The following ELMO1 variants were observed in gnomAD, a reference collection of about 807,000 sequenced individuals.
The protein encoded by ELMO1 is engulfment and cell motility 1.
Under a neutral mutation model 98.9 loss-of-function variants are expected in ELMO1, and 26 were observed. The observed-to-expected ratio is 0.26, with a 90% CI of 0.19 to 0.36. ELMO1 has a LOEUF of 0.36. Among genes scored for constraint, ELMO1 ranks in the 10% least tolerant of loss-of-function variants. The probability of loss-of-function intolerance (pLI) is 1.00; values close to 1 mark genes in which losing one functional copy is unlikely to be tolerated. For missense variants in ELMO1, 627 were observed against 935.2 expected (o/e 0.67, Z 4.30); for synonymous variants, 346 against 346.0 (o/e 1.00, Z 0.00).
intron 16 of ELMO1, chr7:36,986,047 G>A (rs1791481288): frequency 1.0e-6 from 1 of 1,000,844 alleles, no homozygotes; most frequent in Non-Finnish European, 1.2e-6. Context: ...TGGTTCCTGA[G>A]TAAGCTTGTT....
chr7:37,222,761 C>T, intron 9 of ELMO1, 68 bp from the exon 10 acceptor site: 1 of 1,460,098 alleles, frequency 6.8e-7, no homozygotes, highest in Non-Finnish European at 9.4e-7. Flanking sequence ...CTGGGTCAAA[C>T]CATGAAAAGG....
At chr7:37,208,573 G>T (rs1037794436) in intron 13 of ELMO1, among the ~76,000 whole-genome samples, 2 of 152,190 alleles carry the variant, frequency 1.3e-5, no homozygotes, top group African/African-American at 4.8e-5. Flanking sequence ...AATTCTGCAC[G>T]AGACTGCTTA....
intron 7 of ELMO1, among the ~76,000 whole-genome samples, chr7:37,242,995 C>A (rs1794831343): frequency 6.6e-6 from 1 of 152,116 alleles, no homozygotes; most frequent in Non-Finnish European, 1.5e-5. Context: ...CTATCCAGTG[C>A]CTTCATATAG....
chr7:37,166,736 A>C (rs6949869), intron 13 of ELMO1, among the ~76,000 whole-genome samples: 107,578 of 151,860 alleles, frequency 0.71, 40,693 homozygotes, highest in Non-Finnish European at 0.83. Context: ...TTTACATTTG[A>C]TGAGGAGAGC....
At chr7:37,446,796 G>C (rs1299873875) in intron 1 of ELMO1, among the ~76,000 whole-genome samples, 2 of 152,092 alleles carry the variant, frequency 1.3e-5, no homozygotes, top group African/African-American at 4.8e-5. Flanking sequence ...AGTCCCAGCA[G>C]TCCAGGTCAT....
intron 1 of ELMO1, among the ~76,000 whole-genome samples, chr7:37,387,426 G>C (rs1802855229): frequency 6.6e-6 from 1 of 152,164 alleles, no homozygotes; most frequent in African/African-American, 2.4e-5. Flanking sequence ...TGTTCTTCTT[G>C]TGTGTGCTTC....
intron 18 of ELMO1, among the ~76,000 whole-genome samples, chr7:36,885,625 C>T (rs976330678): frequency 1.3e-5 from 2 of 152,184 alleles, no homozygotes; most frequent in South Asian, 2.1e-4. Context: ...ATATCCCAAA[C>T]ATTGATTTTT....
At chr7:37,445,668 A>C (rs1338926130) in intron 1 of ELMO1, among the ~76,000 whole-genome samples, 1 of 149,252 alleles carries the variant, frequency 6.7e-6, no homozygotes, top group Non-Finnish European at 1.5e-5. Context: ...GTAAATGTTC[A>C]AGACTTAGCT....
At chr7:36,866,989 G>A (rs1417256401) in intron 20 of ELMO1, among the ~76,000 whole-genome samples, 1 of 152,094 alleles carries the variant, frequency 6.6e-6, no homozygotes, top group Admixed American at 6.5e-5. Flanking sequence ...ATGAACACTA[G>A]TAACATTGCA....
At chr7:37,073,603 T>A (rs1797399198) in intron 15 of ELMO1, among the ~76,000 whole-genome samples, 2 of 152,026 alleles carry the variant, frequency 1.3e-5, no homozygotes, top group Non-Finnish European at 1.5e-5. Flanking sequence ...TGCATGTTTT[T>A]TTTTTTCCTT....
Position 37,124,488 on chromosome 7 carries a change from A to G in ELMO1, c.1191+8642T>C, listed in dbSNP as rs147098928. ...AAATCACAAGCACTCTTATACACCA[A>G]TAACAGACAAACAGAGAGCTAAATC... On this transcript the variant is annotated intron_variant, in intron 14 of 21. Coordinates refer to ENST00000310758, the MANE Select transcript of ELMO1 (RefSeq NM_014800.11). Among the ~76,000 whole-genome samples, 62 of 152,298 alleles carry G rather than the reference A, an allele frequency of 4.1e-4. 1 individual carries two copies. The East Asian group carries it at 0.011, about 28-fold the overall frequency.
chr7:37,133,296 G>T, intron 13 of ELMO1, 62 bp from the exon 14 acceptor site: 3 of 1,314,672 alleles, frequency 2.3e-6, no homozygotes, highest in Non-Finnish European at 3.2e-6. Context: ...AACCACCAGA[G>T]ATCTGATTTC....
intron 1 of ELMO1, among the ~76,000 whole-genome samples, chr7:37,431,495 A>T (rs1238982891): frequency 6.6e-6 from 1 of 152,192 alleles, no homozygotes; most frequent in African/African-American, 2.4e-5. Flanking sequence ...AGGTCAAGTG[A>T]ACAAAAGTCT....
At chr7:37,154,047 G>A (rs1012109298) in intron 13 of ELMO1, among the ~76,000 whole-genome samples, 4 of 152,246 alleles carry the variant, frequency 2.6e-5, no homozygotes, top group African/African-American at 7.2e-5. Flanking sequence ...CCAGCAAACC[G>A]CAACAGACCT....
chr7:37,420,428 C>A (rs1804423652), intron 1 of ELMO1, among the ~76,000 whole-genome samples: 1 of 152,170 alleles, frequency 6.6e-6, no homozygotes, highest in South Asian at 2.1e-4. Flanking sequence ...CACTTTTGTA[C>A]CTGATTTTGT....
intron 4 of ELMO1, among the ~76,000 whole-genome samples, chr7:37,296,837 T>C (rs1449775401): frequency 6.6e-6 from 1 of 152,148 alleles, no homozygotes. Flanking sequence ...ATACTGGAAA[T>C]CGGGGAAAAG....
At chr7:37,310,099 C>G (rs755905132) in intron 4 of ELMO1, among the ~76,000 whole-genome samples, 7 of 152,178 alleles carry the variant, frequency 4.6e-5, no homozygotes, top group Non-Finnish European at 7.4e-5. Flanking sequence ...GGGGTGCCCC[C>G]CAAACAACCC....
At chr7:36,924,100 A>C (rs1785351956) in intron 16 of ELMO1, among the ~76,000 whole-genome samples, 1 of 152,236 alleles carries the variant, frequency 6.6e-6, no homozygotes, top group African/African-American at 2.4e-5. Flanking sequence ...GTATTAGAAC[A>C]ACTGCTCTTC....
intron 1 of ELMO1, among the ~76,000 whole-genome samples, chr7:37,394,881 AAT>A (rs1803226412): frequency 6.6e-6 from 1 of 152,160 alleles, no homozygotes. Context: ...GACCCCAGCA[AAT>A]TTTCATTTAT....
Sources: gnomAD v4.1 joint callset for allele counts (sites outside exome capture counted in the v4.1 genomes callset) on GRCh38, gnomAD v4.1.1 for gene constraint, MANE v1.5 for transcripts, NCBI Gene and HGNC (gene_info 2026-07-23, HGNC 2026-07-21) for gene names.